The following ZFHX2 variants were observed in gnomAD, a reference collection of about 807,000 sequenced individuals.
ZFHX2 encodes zinc finger homeobox protein 2.
A neutral mutation model predicts 164.8 loss-of-function variants in ZFHX2; 75 were observed. The observed-to-expected ratio is 0.46, with a 90% CI of 0.38 to 0.55. ZFHX2 has a LOEUF of 0.55. ZFHX2 is among the 20% of genes least tolerant of loss of function. The probability of loss-of-function intolerance (pLI) is 0.00; values close to 1 mark genes in which losing one functional copy is unlikely to be tolerated. For synonymous variants in ZFHX2, 1,217 were observed against 1,351.4 expected (o/e 0.90, Z 2.18); for missense variants, 2,933 against 3,308.0 (o/e 0.89, Z 2.78).
intron 1 of ZFHX2, among the ~76,000 whole-genome samples, chr14:23,541,663 T>C (rs1880830868): frequency 6.6e-6 from 1 of 152,218 alleles, no homozygotes; most frequent in Admixed American, 6.5e-5. Flanking sequence ...AGAGACCCAT[T>C]ATTCCAGAGC....
In ZFHX2 at chr14:23,525,991, TATG is replaced by T. The variant is rs773943427; in HGVS notation, c.3948_3950del (p.Phe1316_Ile1317delinsLeu). 2 of 1,526,140 alleles carry T rather than the reference TATG, an allele frequency of 1.3e-6. No homozygotes were observed. The highest frequency in any genetic ancestry group is 2.4e-5 in the South Asian group (2 of 81,938). The allele number at this position is 1,526,140 out of a possible 1,614,324, so 94.5% of individuals were successfully genotyped here. ...GAGGGGACAGGAAAGGCAATCCAGA[TATG>T]AAGCCACTGGTGTCAGGGCCCTTCT... is the stretch of plus-strand genomic sequence containing the variant. On this transcript the variant is annotated inframe_deletion, in exon 9 of 10. Transcript: ENST00000419474. This position sits in a 1 kb window ranked among gnomAD's most constrained non-coding sequence, Gnocchi z 5.9.
intron 1 of ZFHX2, chr14:23,544,104 A>G (rs965819843): frequency 1.3e-5 from 2 of 151,978 alleles, no homozygotes; most frequent in South Asian, 2.1e-4. Flanking sequence ...ATACAAAAAA[A>G]ATGAGCCGGG....
At position 23,526,577 on chromosome 14, in the gene ZFHX2, G is replaced by C. The variant is rs1183727989; in HGVS notation, c.3365C>G (p.Pro1122Arg). 1 of 1,535,722 alleles carries C rather than the reference G, an allele frequency of 6.5e-7. No homozygotes were observed. Among genetic ancestry groups the C allele is most frequent in the African/African-American group, 1.4e-5 (1 of 72,950 alleles). ...PDKPSGSPGQ[P>R]PSPAPSPVPE... ...GACTGGAGATGGGGCTGGAGAAGGG[G>C]GTTGGCCAGGGCTTCCTGAGGGTTT... Residue 1122 changes from proline (P) to arginine (R), a missense_variant, in exon 9 of 10, where the codon CCC becomes CGC. Physicochemically the swap from Pro to Arg is moderately radical, Grantham distance 103. Coordinates refer to ENST00000419474, the MANE Select transcript of ZFHX2 (RefSeq NM_033400.3).
At chr14:23,547,857 T>C (rs757346704) in intron 1 of ZFHX2, among the ~76,000 whole-genome samples, 1 of 152,166 alleles carries the variant, frequency 6.6e-6, no homozygotes, top group Non-Finnish European at 1.5e-5. Flanking sequence ...TGGAAAACAA[T>C]TGGAAACTAG....
chr14:23,525,805 T>C lies in ZFHX2; in HGVS notation c.4137A>G (p.Thr1379=), dbSNP rs1476854808. Residue 1379 remains threonine, a synonymous_variant, in exon 9 of 10, where the codon ACA becomes ACG. Transcript: ENST00000419474. The surrounding 1 kb of genome is among the most constrained non-coding windows in gnomAD (Gnocchi z 5.9). Reference sequence around the variant, plus strand: ...ACAGCACAGGTGCAGGCCCAGCTAGTGTCAGCTTGGGCCCCACCTTGAGAT... The same window carrying C: ...ACAGCACAGGTGCAGGCCCAGCTAGCGTCAGCTTGGGCCCCACCTTGAGAT... ...LHDLKVGPKL[T]LAGPAPVLSL... The C allele has an allele frequency of 1.4e-6, 2 of 1,471,486 alleles. No individual in the cohort carries two copies. The highest frequency in any genetic ancestry group is 2.8e-5 in the South Asian group (2 of 72,286). 91.2% of individuals were successfully genotyped at this position (1,471,486 alleles called of 1,614,324 possible).
chr14:23,530,136 G>C lies in ZFHX2; in HGVS notation c.2859C>G (p.Asn953Lys). 3 of 1,536,118 alleles carry C rather than the reference G, an allele frequency of 2.0e-6. No homozygotes were observed. Among genetic ancestry groups the C allele is most frequent in the Non-Finnish European group, 2.6e-6 (3 of 1,146,888 alleles). The change falls in exon 5 of 10, where the codon AAC (asparagine) becomes AAG (lysine). Residue 953 changes from asparagine to lysine, a missense_variant. Asn to Lys is a moderately conservative substitution (Grantham distance 94). Coordinates refer to ENST00000419474, the MANE Select transcript of ZFHX2 (RefSeq NM_033400.3). ...EPPTPEKDAQNKTEQLASEET... is the reference protein window; with the variant it reads ...EPPTPEKDAQKKTEQLASEET... ...AAAACTCACCCAATTGTTCTGTCTT[G>C]TTCTGGGCATCTTTCTCAGGGGTGG...
rs761147054 is a variant in ZFHX2 at position 23,524,537 on chromosome 14, G to C, written c.5405C>G (p.Pro1802Arg). ...CAGCAAGGGCAGATCTAGGAGTTGG[G>C]GGGGAGCACTGGGCTGCAGAGATGG... ...FLPSLQPSAP[P>R]QLLDLPLLVF... The change falls in exon 9 of 10, where the codon CCC becomes CGC. Residue 1802 changes from proline (P) to arginine (R), a missense_variant. Coordinates refer to ENST00000419474, the MANE Select transcript of ZFHX2 (RefSeq NM_033400.3). This position sits in a 1 kb window ranked among gnomAD's most constrained non-coding sequence, Gnocchi z 5.6. 61 of 1,527,206 alleles carry C rather than the reference G, an allele frequency of 4.0e-5. No individual in the cohort carries two copies. Among genetic ancestry groups the C allele is most frequent in the Middle Eastern group, 1.7e-4 (1 of 5,936 alleles). 94.6% of individuals were successfully genotyped at this position (1,527,206 alleles called of 1,614,324 possible).
chr14:23,532,779 C>T lies in ZFHX2; in HGVS notation c.2347G>A (p.Ala783Thr). ...FQLHLKTDKH[A>T]QKYQLAAHLR... Reference sequence around the variant, plus strand: ...TGGGCTGCCAGCTGGTACTTCTGAGCATGTTTGTCAGTCTTGAGGTGGAGT... The same window carrying T: ...TGGGCTGCCAGCTGGTACTTCTGAGTATGTTTGTCAGTCTTGAGGTGGAGT... The change falls in exon 3 of 10, where the codon GCT becomes ACT. Residue 783 changes from alanine to threonine, a missense_variant. Coordinates refer to ENST00000419474, the MANE Select transcript of ZFHX2 (RefSeq NM_033400.3). The T allele has an allele frequency of 2.6e-6, 4 of 1,536,342 alleles. No homozygotes were observed. Among genetic ancestry groups the T allele is most frequent in the Non-Finnish European group, 3.5e-6 (4 of 1,146,952 alleles).
Position 23,531,614 on chromosome 14 carries a change from C to T in ZFHX2, c.2667G>A (p.Leu889=), listed in dbSNP as rs1879561994. Residue 889 remains leucine (L), a synonymous_variant, in exon 4 of 10, where the codon CTG becomes CTA. Transcript: ENST00000419474. The part of the protein sequence containing the change: ...TPSRLAVLQH[L]RTPAHRDAQA... ...GGGCATCGCGGTGGGCAGGTGTGCG[C>T]AGGTGTTGCAGCACAGCCAAGCGGG... The T allele has an allele frequency of 6.6e-7, 1 of 1,525,044 alleles. No homozygotes were observed. Among genetic ancestry groups the T allele is most frequent in the Non-Finnish European group, 8.8e-7 (1 of 1,140,066 alleles). 94.5% of individuals were successfully genotyped at this position (1,525,044 alleles called of 1,614,324 possible).
At position 23,520,964 on chromosome 14, in the gene ZFHX2, G is replaced by C; in HGVS notation, c.*998C>G. 1 of 150,258 alleles carries C rather than the reference G, an allele frequency of 6.7e-6. No individual in the cohort carries two copies. Among genetic ancestry groups the C allele is most frequent in the Admixed American group, 6.6e-5 (1 of 15,092 alleles). 9.3% of individuals were successfully genotyped at this position (150,258 alleles called of 1,614,324 possible). On this transcript the variant is annotated 3_prime_UTR_variant, in exon 10 of 10. Coordinates refer to ENST00000419474, the MANE Select transcript of ZFHX2 (RefSeq NM_033400.3). This position sits in a 1 kb window ranked among gnomAD's most constrained non-coding sequence, Gnocchi z 8.7. ...TTCTCTCTTTTGTGCGCGTGTGCAC[G>C]TACTCTCTCTCGCTCTTGCTTTTTT...
intron 6 of ZFHX2, chr14:23,529,420 CA>C: frequency 2.6e-6 from 1 of 383,178 alleles, no homozygotes; most frequent in Non-Finnish European, 4.8e-6. Flanking sequence ...CTCCTTCCAG[CA>C]TGTACCCCCA....
In ZFHX2 at chr14:23,522,476, TGGA is replaced by T. The variant is rs1439588697; in HGVS notation, c.7202_7204del (p.Leu2401del). ...GGGCTCAGGGGGCTGGGGTGGCGGCTGGAGGAGGGCATTGGGGAGCAGCCCAAT... is the reference window on the plus strand; with the variant it reads ...GGGCTCAGGGGGCTGGGGTGGCGGCTGGAGGGCATTGGGGAGCAGCCCAAT... On this transcript the variant is annotated inframe_deletion, in exon 10 of 10. Transcript: ENST00000419474. 8 of 1,535,182 alleles carry T rather than the reference TGGA, an allele frequency of 5.2e-6. No homozygotes were observed. The African/African-American group carries it at 1.1e-4, about 21-fold the overall frequency.
chr14:23,540,512 A>G (rs903405210), intron 1 of ZFHX2, among the ~76,000 whole-genome samples: 2 of 152,234 alleles, frequency 1.3e-5, no homozygotes, highest in African/African-American at 2.4e-5. Context: ...AACAGGAAGG[A>G]TGAGATGTGT....
At chr14:23,527,928 A>C in intron 6 of ZFHX2, 124 bp from the exon 7 acceptor site, 1 of 687,230 alleles carries the variant, frequency 1.5e-6, no homozygotes, top group East Asian at 3.1e-5. Context: ...TTTTTTTTAG[A>C]TGGAGTCTGG....
intron 1 of ZFHX2, among the ~76,000 whole-genome samples, chr14:23,537,775 G>T (rs1415344431): frequency 6.6e-6 from 1 of 152,196 alleles, no homozygotes; most frequent in East Asian, 1.9e-4. Flanking sequence ...AGAATCCATG[G>T]TGGGGGAGAG....
chr14:23,551,168 C>G lies in ZFHX2; in HGVS notation c.-50+175G>C, dbSNP rs368452816. On this transcript the variant is annotated intron_variant, in intron 1 of 9. Transcript: ENST00000419474. The surrounding 1 kb of genome is among the most constrained non-coding windows in gnomAD (Gnocchi z 5.3). ...TCCCAGGGCTCTCGGTCTGTCTGTC[C>G]GTCCGTCCTTGTCCCCTCCCCCAGC... Among the ~76,000 whole-genome samples the G allele has an allele frequency of 6.6e-6, 1 of 151,890 alleles. No homozygotes were observed. Among genetic ancestry groups the G allele is most frequent in the Non-Finnish European group, 1.5e-5 (1 of 67,946 alleles).
rs1016324096 is a variant in ZFHX2, at chr14:23,531,577, G to A, written c.2704C>T (p.Arg902Cys). ...GGGCCATTCTGTAGCAGCTGCAGAC[G>A]CCTCTGGGCCTGGGCATCGCGGTGG... ...PAHRDAQAQR[R>C]LQLLQNGPTT... is the part of the protein sequence containing the mutation. The change falls in exon 4 of 10, where the codon CGT (arginine) becomes TGT (cysteine). Residue 902 changes from arginine (R) to cysteine (C), a missense_variant. Coordinates refer to ENST00000419474, the MANE Select transcript of ZFHX2 (RefSeq NM_033400.3). The A allele has an allele frequency of 9.8e-6, 15 of 1,524,866 alleles. No individual in the cohort carries two copies. In the East Asian group the frequency reaches 9.9e-5, roughly 10 times the overall value. 94.5% of individuals were successfully genotyped at this position (1,524,866 alleles called of 1,614,324 possible).
At chr14:23,531,831 G>A in intron 3 of ZFHX2, 110 bp from the exon 4 acceptor site, 1 of 1,236,836 alleles carries the variant, frequency 8.1e-7, no homozygotes, top group Non-Finnish European at 1.0e-6. Flanking sequence ...AGGCTGGAGT[G>A]CAGTGGCATG....
At chr14:23,527,156 A>G (rs1172976712) in intron 7 of ZFHX2, among the ~76,000 whole-genome samples, 183 bp from the exon 8 acceptor site, 2 of 151,992 alleles carry the variant, frequency 1.3e-5, no homozygotes, top group African/African-American at 4.8e-5. Flanking sequence ...CTGGGCTGCT[A>G]CCTCTCCTAT....
Sources: gnomAD v4.1 joint callset for allele counts (sites outside exome capture counted in the v4.1 genomes callset) on GRCh38, gnomAD v4.1.1 for gene constraint, Gnocchi (gnomAD v3.1) non-coding constraint, MANE v1.5 for transcripts, NCBI Gene and HGNC (gene_info 2026-07-23, HGNC 2026-07-21) for gene names.